TENM2: variants seen among roughly 807,000 people sequenced by gnomAD.
TENM2 encodes teneurin-2.
A neutral mutation model predicts 245.2 loss-of-function variants in TENM2; 52 were observed. That is an observed-to-expected ratio of 0.21 (90% CI 0.17 to 0.27). The LOEUF (loss-of-function observed/expected upper bound fraction) is 0.27, where lower values mean the gene tolerates loss of function less well. TENM2 is among the 10% of genes least tolerant of loss of function. TENM2 has a pLI of 1.00. For missense variants in TENM2, 3,046 were observed against 3,666.8 expected (o/e 0.83, Z 4.37); for synonymous variants, 1,363 against 1,438.9 (o/e 0.95, Z 1.19).
chr5:168,069,339 G>A (rs2152119838), intron 7 of TENM2, among the ~76,000 whole-genome samples: 1 of 152,310 alleles, frequency 6.6e-6, no homozygotes, highest in Non-Finnish European at 1.5e-5. Flanking sequence ...TTTATTCCAA[G>A]ATCTTTGCAA....
At chr5:168,013,331 C>T (rs992338512) in intron 5 of TENM2, among the ~76,000 whole-genome samples, 7 of 152,154 alleles carry the variant, frequency 4.6e-5, no homozygotes, top group Non-Finnish European at 7.3e-5. Context: ...CAGCTGGGCA[C>T]GGTGGCTCAC....
chr5:167,928,228 G>A (rs1368112467), intron 3 of TENM2, among the ~76,000 whole-genome samples: 3 of 152,078 alleles, frequency 2.0e-5, no homozygotes. Flanking sequence ...AGGAGCCCCC[G>A]AAATGTCTAT....
chr5:167,017,233 T>A, the TENM2 span, among the ~76,000 whole-genome samples: 1 of 152,204 alleles, frequency 6.6e-6, no homozygotes, highest in African/African-American at 2.4e-5. Context: ...TAAACTTATA[T>A]CCAGGTCTTT....
intron 1 of TENM2, among the ~76,000 whole-genome samples, chr5:167,357,085 A>T (rs1759385684): frequency 6.6e-6 from 1 of 152,114 alleles, no homozygotes; most frequent in African/African-American, 2.4e-5. Flanking sequence ...TTTAAATCTA[A>T]ATGTATGAAT....
chr5:167,670,827 G>T (rs1407272882), intron 2 of TENM2, among the ~76,000 whole-genome samples: 1 of 152,090 alleles, frequency 6.6e-6, no homozygotes, highest in African/African-American at 2.4e-5. Context: ...AGTCTGTTTT[G>T]CATTCCTCCT....
At chr5:167,742,996 A>C (rs980667386) in intron 2 of TENM2, among the ~76,000 whole-genome samples, 10 of 149,028 alleles carry the variant, frequency 6.7e-5, no homozygotes, top group African/African-American at 2.6e-4. Context: ...CAACAACAAC[A>C]ACAACAACAA....
At chr5:167,100,696 C>G in the TENM2 span, among the ~76,000 whole-genome samples, 1 of 149,624 alleles carries the variant, frequency 6.7e-6, no homozygotes, top group Non-Finnish European at 1.5e-5. Context: ...GGATTTTTTT[C>G]TTTTTTTGGG....
chr5:167,155,153 T>C, the TENM2 span, among the ~76,000 whole-genome samples: 2 of 152,240 alleles, frequency 1.3e-5, no homozygotes, highest in African/African-American at 4.8e-5. Context: ...CTGATTTTGC[T>C]GTGTCATAAG....
intron 2 of TENM2, among the ~76,000 whole-genome samples, chr5:167,724,869 G>T (rs1034234347): frequency 6.6e-6 from 1 of 152,180 alleles, no homozygotes; most frequent in Non-Finnish European, 1.5e-5. Context: ...TATTAAGGGA[G>T]CTCAGAGACA....
chr5:168,090,429 T>A (rs919484875), intron 7 of TENM2, 145 bp from the exon 10 acceptor site: 10 of 573,346 alleles, frequency 1.7e-5, no homozygotes, highest in Non-Finnish European at 3.0e-5. Context: ...ATTTTGCGGC[T>A]CTTGTTTTCC....
At chr5:166,991,054 GATAGA>G in the TENM2 span, among the ~76,000 whole-genome samples, 5 of 152,066 alleles carry the variant, frequency 3.3e-5, no homozygotes, top group African/African-American at 1.2e-4. Context: ...GATAAATATT[GATAGA>G]ATAGTCCAAC....
intron 2 of TENM2, among the ~76,000 whole-genome samples, chr5:167,840,107 C>T (rs1769367089): frequency 6.6e-6 from 1 of 152,248 alleles, no homozygotes; most frequent in Non-Finnish European, 1.5e-5. Flanking sequence ...AGGCGTGAGC[C>T]ACCACACCCA....
chr5:167,709,318 A>G (rs1461005706), intron 2 of TENM2, among the ~76,000 whole-genome samples: 1 of 152,008 alleles, frequency 6.6e-6, no homozygotes, highest in African/African-American at 2.4e-5. Context: ...TATAGAATTT[A>G]TTTCTCCTTC....
chr5:167,015,966 G>A, the TENM2 span, among the ~76,000 whole-genome samples: 33 of 151,972 alleles, frequency 2.2e-4, no homozygotes, highest in African/African-American at 7.0e-4. Context: ...AAAAGAAGGA[G>A]AGAGGTGACC....
chr5:167,825,774 G>A (rs1767920210), intron 2 of TENM2, among the ~76,000 whole-genome samples: 1 of 151,498 alleles, frequency 6.6e-6, no homozygotes, highest in Non-Finnish European at 1.5e-5. Flanking sequence ...AATATTTGTT[G>A]AAGTGACTGA....
At chr5:167,866,422 C>G (rs942902741) in intron 2 of TENM2, among the ~76,000 whole-genome samples, 3 of 148,950 alleles carry the variant, frequency 2.0e-5, no homozygotes, top group Admixed American at 1.4e-4. Flanking sequence ...CTCTTGAACT[C>G]ATGAAGCAGA....
chr5:167,815,112 G>T (rs1766943202), intron 2 of TENM2, among the ~76,000 whole-genome samples: 1 of 152,158 alleles, frequency 6.6e-6, no homozygotes, highest in Admixed American at 6.5e-5. Context: ...TGTTTTCTTT[G>T]TGGTTTTAAG....
chr5:167,999,847 C>T (rs1006947949), intron 5 of TENM2, among the ~76,000 whole-genome samples: 3 of 152,202 alleles, frequency 2.0e-5, no homozygotes, highest in Admixed American at 2.0e-4. Context: ...TGTAGAACAT[C>T]GTAATACAGA....
intron 6 of TENM2, among the ~76,000 whole-genome samples, chr5:168,052,613 C>T (rs1311366872): frequency 1.3e-5 from 2 of 152,196 alleles, no homozygotes; most frequent in East Asian, 1.9e-4. Flanking sequence ...CCAACATTGG[C>T]TTGATGAGGT....
Sources: allele counts gnomAD v4.1 joint callset (sites outside exome capture counted in the v4.1 genomes callset), GRCh38; gene constraint gnomAD v4.1.1; transcripts MANE v1.5; gene names NCBI Gene and HGNC (gene_info 2026-07-23, HGNC 2026-07-21).